GPHN: variants seen among roughly 807,000 people sequenced by gnomAD.
GPHN encodes the protein gephyrin.
In GPHN, 17 loss-of-function variants were observed where a neutral mutation model predicts 95.5. That is an observed-to-expected ratio of 0.18 (90% CI 0.12 to 0.27). GPHN has a LOEUF of 0.27. Ranked by LOEUF, GPHN falls within the 10% of genes least tolerant of loss-of-function variation. The pLI, the probability that GPHN is intolerant of heterozygous loss-of-function variation, is 1.00. For missense variants in GPHN, 660 were observed against 978.1 expected (o/e 0.67, Z 4.34); for synonymous variants, 320 against 322.5 (o/e 0.99, Z 0.08).
intron 1 of GPHN, among the ~76,000 whole-genome samples, chr14:66,557,752 A>G (rs576790207): frequency 5.7e-4 from 87 of 152,316 alleles, no homozygotes; most frequent in African/African-American, 2.1e-3. Flanking sequence ...GTGGTTAAAC[A>G]AGGCTGCCAT....
the GPHN span, chr14:67,733,733 C>T: frequency 7.6e-6 from 12 of 1,583,704 alleles, 1 homozygote; most frequent in Middle Eastern, 1.7e-4. Flanking sequence ...TACTGTCTTT[C>T]TCTGCCCTCC....
chr14:67,675,925 C>T, the GPHN span, among the ~76,000 whole-genome samples: 1 of 151,840 alleles, frequency 6.6e-6, no homozygotes, highest in Non-Finnish European at 1.5e-5. Flanking sequence ...GTGAAACCCC[C>T]GTCTCTGCTA....
At chr14:67,602,581 T>TG in the GPHN span, among the ~76,000 whole-genome samples, 1 of 152,370 alleles carries the variant, frequency 6.6e-6, no homozygotes, top group African/African-American at 2.4e-5. Context: ...TGGGGAAGCC[T>TG]GTAGTCCTGG....
chr14:66,528,157 G>T (rs1218642665), intron 1 of GPHN, among the ~76,000 whole-genome samples: 1 of 152,146 alleles, frequency 6.6e-6, no homozygotes, highest in East Asian at 1.9e-4. Context: ...CCAGTATTGG[G>T]TGCATATATA....
chr14:66,916,220 T>G, intron 6 of GPHN, 151 bp downstream of exon 6: 3 of 686,104 alleles, frequency 4.4e-6, no homozygotes, highest in Non-Finnish European at 8.1e-6. Flanking sequence ...GGTTCAGTAA[T>G]TCAATGGAAA....
At chr14:66,825,461 G>T (rs895144011) in intron 4 of GPHN, among the ~76,000 whole-genome samples, 1 of 151,952 alleles carries the variant, frequency 6.6e-6, no homozygotes, top group Non-Finnish European at 1.5e-5. Context: ...GTTTTCAAAC[G>T]TTAGCCTGCA....
the GPHN span, chr14:67,572,307 G>A: frequency 7.7e-6 from 12 of 1,560,350 alleles, no homozygotes; most frequent in African/African-American, 9.5e-5. Context: ...GGGGCAGGGT[G>A]GAAGCAGAAT....
At chr14:67,618,437 G>A in the GPHN span, among the ~76,000 whole-genome samples, 2 of 152,134 alleles carry the variant, frequency 1.3e-5, no homozygotes, top group Non-Finnish European at 2.9e-5. Flanking sequence ...GCAGTGGTGT[G>A]ATCATGGCTC....
the GPHN span, among the ~76,000 whole-genome samples, chr14:67,640,625 C>T: frequency 8.5e-5 from 13 of 152,228 alleles, no homozygotes; most frequent in African/African-American, 1.7e-4. Context: ...TATTAAGATA[C>T]GCCACGTCTT....
chr14:67,219,491 A>G, the GPHN span, among the ~76,000 whole-genome samples: 1 of 152,166 alleles, frequency 6.6e-6, no homozygotes, highest in African/African-American at 2.4e-5. Context: ...AGGATGAATG[A>G]CAGGTGTCTC....
the GPHN span, among the ~76,000 whole-genome samples, chr14:67,277,363 T>C: frequency 6.6e-6 from 1 of 152,160 alleles, no homozygotes; most frequent in East Asian, 1.9e-4. Context: ...TTCCTGATTG[T>C]TGGACTAGTG....
At chr14:66,769,238 G>A (rs1489438260) in intron 2 of GPHN, among the ~76,000 whole-genome samples, 1 of 152,132 alleles carries the variant, frequency 6.6e-6, no homozygotes, top group East Asian at 1.9e-4. Context: ...TAAAGTGTAT[G>A]TTAGTCAGGA....
intron 5 of GPHN, among the ~76,000 whole-genome samples, chr14:66,885,595 A>C (rs1043210968): frequency 5.9e-5 from 9 of 152,158 alleles, no homozygotes; most frequent in African/African-American, 2.2e-4. Flanking sequence ...GTTTCAACCC[A>C]CACTGGCTGA....
chr14:66,928,825 T>C (rs2066623935), intron 8 of GPHN, among the ~76,000 whole-genome samples: 1 of 152,282 alleles, frequency 6.6e-6, no homozygotes, highest in South Asian at 2.1e-4. Flanking sequence ...TTGTATCATT[T>C]CCAAAGTTTT....
chr14:66,664,371 G>A (rs2065829598), intron 1 of GPHN, among the ~76,000 whole-genome samples: 1 of 152,040 alleles, frequency 6.6e-6, no homozygotes, highest in Non-Finnish European at 1.5e-5. Flanking sequence ...TAAATAACCT[G>A]CCCCTGAATG....
chr14:66,828,274 A>C (rs1318710576), intron 4 of GPHN, among the ~76,000 whole-genome samples: 1 of 152,076 alleles, frequency 6.6e-6, no homozygotes, highest in Non-Finnish European at 1.5e-5. Context: ...CTAAAAAGTA[A>C]TTCTACTAAT....
intron 1 of GPHN, among the ~76,000 whole-genome samples, chr14:66,552,101 C>G (rs1323384362): frequency 6.6e-6 from 1 of 152,206 alleles, no homozygotes; most frequent in Non-Finnish European, 1.5e-5. Context: ...ACCTCCCTTT[C>G]ATTTTTCCCC....
At chr14:66,829,372 A>G (rs777850804) in intron 4 of GPHN, among the ~76,000 whole-genome samples, 1 of 151,986 alleles carries the variant, frequency 6.6e-6, no homozygotes, top group Non-Finnish European at 1.5e-5. Context: ...ACAGGCATGA[A>G]CCACTGTGCC....
chr14:67,648,747 A>G, the GPHN span: 1 of 152,228 alleles, frequency 6.6e-6, no homozygotes, highest in African/African-American at 2.4e-5. Flanking sequence ...AAGACTGGCT[A>G]CTTTTCCAAA....
Sources: allele counts gnomAD v4.1 joint callset (sites outside exome capture counted in the v4.1 genomes callset), GRCh38; gene constraint gnomAD v4.1.1; transcripts MANE v1.5; gene names NCBI Gene and HGNC (gene_info 2026-07-23, HGNC 2026-07-21).